ACSM3: variants seen among roughly 807,000 people sequenced by gnomAD.
ACSM3 encodes acyl-coenzyme A synthetase ACSM3, mitochondrial.
Under a neutral mutation model 74.1 loss-of-function variants are expected in ACSM3, and 61 were observed. That is an observed-to-expected ratio of 0.82 (90% confidence interval 0.67 to 1.02). ACSM3 has a LOEUF of 1.02. Among genes scored for constraint, ACSM3 ranks in the 50% least tolerant of loss-of-function variants. The pLI, the probability that ACSM3 is intolerant of heterozygous loss-of-function variation, is 0.00. For synonymous variants in ACSM3, 213 were observed against 241.5 expected (o/e 0.88, Z 1.09); for missense variants, 660 against 697.0 (o/e 0.95, Z 0.60).
Position 20,774,678 on chromosome 16 carries a change from T to G in ACSM3, c.220-1161T>G, listed in dbSNP as rs1023344319. Among the ~76,000 whole-genome samples, 8 of 152,212 alleles carry G rather than the reference T, an allele frequency of 5.3e-5. No individual in the cohort carries two copies. In the East Asian group the frequency reaches 1.5e-3, roughly 29 times the overall value. On this transcript the variant is annotated intron_variant, in intron 2 of 13. Transcript: ENST00000289416. ...AATTTAAACTGTTTACATTCAAGAT[T>G]GTTATTGATAGGTGTTATTTTGTTC...
rs1391184014 is a variant in ACSM3 at position 20,685,263 on chromosome 16, T to C, written c.-190+10441T>C. ...GAGGCAGCATCAAGGCCAGATGGTC[T>C]CCCTGTTGTAGGCCACAGGTCTGTG... On this transcript the variant is annotated intron_variant, in intron 1 of 3. Transcript: ENST00000561584. The C allele has an allele frequency of 1.9e-6, 3 of 1,614,188 alleles. No individual in the cohort carries two copies. In the African/African-American group the frequency reaches 4.0e-5, roughly 22 times the overall value.
chr16:20,704,245 T>G (rs2079721025), intron 1 of ACSM3, among the ~76,000 whole-genome samples: 1 of 152,216 alleles, frequency 6.6e-6, no homozygotes, highest in Non-Finnish European at 1.5e-5. Flanking sequence ...GGCTTATATA[T>G]GTATTAATCA....
At chr16:20,791,855 G>A in intron 10 of ACSM3, 147 bp from the exon 11 acceptor site, 1 of 812,574 alleles carries the variant, frequency 1.2e-6, no homozygotes, top group Non-Finnish European at 1.9e-6. Context: ...TTGAACCTGG[G>A]AGGCAGAGGT....
At chr16:20,791,079 T>A in intron 10 of ACSM3, 1 of 716,984 alleles carries the variant, frequency 1.4e-6, no homozygotes. Context: ...ATTAAGCAAA[T>A]GTCTTTCACA....
At chr16:20,718,025 A>G (rs147179774) in intron 1 of ACSM3, among the ~76,000 whole-genome samples, 77 of 149,126 alleles carry the variant, frequency 5.2e-4, no homozygotes, top group African/African-American at 1.8e-3. Context: ...AAGAAGAAGA[A>G]GAAAAGAAAG....
intron 1 of ACSM3, among the ~76,000 whole-genome samples, chr16:20,705,884 A>T (rs1333889994): frequency 6.6e-6 from 1 of 152,214 alleles, no homozygotes; most frequent in Non-Finnish European, 1.5e-5. Flanking sequence ...ATGTTAGTGG[A>T]AAAATAGAAA....
chr16:20,736,114 T>C (rs2079866810), intron 1 of ACSM3: 1 of 152,198 alleles, frequency 6.6e-6, no homozygotes, highest in South Asian at 2.1e-4. Flanking sequence ...AAGTTGCATG[T>C]CACAGACAAT....
intron 1 of ACSM3, among the ~76,000 whole-genome samples, chr16:20,683,634 C>T (rs965651254): frequency 1.6e-5 from 2 of 128,676 alleles, no homozygotes; most frequent in East Asian, 2.2e-4. Context: ...GCCCAGAGGG[C>T]TCAGCTCAAG....
chr16:20,773,547 T>C (rs1441809085), intron 2 of ACSM3, among the ~76,000 whole-genome samples: 1 of 152,190 alleles, frequency 6.6e-6, no homozygotes, highest in Non-Finnish European at 1.5e-5. Context: ...GATTTTGATA[T>C]ATTATGCTTC....
intron 1 of ACSM3, among the ~76,000 whole-genome samples, chr16:20,701,522 A>T (rs999256369): frequency 6.6e-6 from 1 of 152,192 alleles, no homozygotes; most frequent in Admixed American, 6.5e-5. Context: ...ACCAAACTGG[A>T]ATCTTTTTAA....
At position 20,729,303 on chromosome 16, in the gene ACSM3, G is replaced by C. The variant is rs1337957738; in HGVS notation, c.-189-20607G>C. On this transcript the variant is annotated intron_variant, in intron 1 of 3. Coordinates refer to the ACSM3 transcript ENST00000561584. ...ACTGGAGACAGAGGAATGATGGACA[G>C]TGATGGGTATTTCTGGTTTGTCGGC... The C allele has an allele frequency of 2.9e-5, 42 of 1,452,092 alleles. No individual in the cohort carries two copies. The East Asian group carries it at 8.6e-4, about 30-fold the overall frequency. The allele number at this position is 1,452,092 out of a possible 1,614,324, so 90.0% of individuals were successfully genotyped here.
intron 1 of ACSM3, among the ~76,000 whole-genome samples, chr16:20,748,565 A>G (rs1596497307): frequency 6.6e-6 from 1 of 152,214 alleles, no homozygotes; most frequent in Non-Finnish European, 1.5e-5. Flanking sequence ...CAAATATTCA[A>G]TAAGTGTTCA....
chr16:20,772,536 A>G (rs917996288), intron 2 of ACSM3, among the ~76,000 whole-genome samples: 1 of 152,138 alleles, frequency 6.6e-6, no homozygotes, highest in African/African-American at 2.4e-5. Context: ...TGATTTTTGT[A>G]TATGGTGAGA....
chr16:20,697,318 T>C (rs751393109), intron 1 of ACSM3, among the ~76,000 whole-genome samples: 1 of 152,094 alleles, frequency 6.6e-6, no homozygotes, highest in Non-Finnish European at 1.5e-5. Flanking sequence ...CAAACATTCA[T>C]CTCTGACTTT....
At chr16:20,698,810 C>T (rs2079704098) in intron 1 of ACSM3, 1 of 152,196 alleles carries the variant, frequency 6.6e-6, no homozygotes, top group Admixed American at 6.5e-5. Context: ...CACCCAACAC[C>T]TACCTTATTT....
At chr16:20,785,190 A>G in intron 8 of ACSM3, 83 bp downstream of exon 8, 1 of 1,534,430 alleles carries the variant, frequency 6.5e-7, no homozygotes, top group East Asian at 2.3e-5. Flanking sequence ...TCTCCTTATG[A>G]TTATTTGAGG....
intron 1 of ACSM3, among the ~76,000 whole-genome samples, chr16:20,747,394 T>C (rs2152430112): frequency 6.6e-6 from 1 of 152,372 alleles, no homozygotes; most frequent in Non-Finnish European, 1.5e-5. Context: ...AAACTGCCTT[T>C]GTTCTGCTTC....
chr16:20,705,016 A>G (rs1443224365), intron 1 of ACSM3, among the ~76,000 whole-genome samples: 2 of 152,206 alleles, frequency 1.3e-5, no homozygotes, highest in African/African-American at 4.8e-5. Context: ...TGTACTATGT[A>G]GTATTTTCCA....
chr16:20,750,914 G>C (rs542747656), intron 2 of ACSM3, among the ~76,000 whole-genome samples: 1 of 139,322 alleles, frequency 7.2e-6, no homozygotes, highest in East Asian at 2.1e-4. Context: ...GTGCAATCTT[G>C]GCTCACTGCA....
Sources: allele counts gnomAD v4.1 joint callset (sites outside exome capture counted in the v4.1 genomes callset), GRCh38; gene constraint gnomAD v4.1.1; transcripts MANE v1.5; gene names NCBI Gene and HGNC (gene_info 2026-07-23, HGNC 2026-07-21).